Variants in METTL26 observed in about 807,000 individuals in gnomAD.
The protein encoded by METTL26 is methyltransferase like 26.
METTL26 carries 28 observed loss-of-function variants against 24.7 expected under a neutral mutation model. That is an observed-to-expected ratio of 1.13 (90% CI 0.84 to 1.55). The LOEUF is 1.55. METTL26 is among the 40% of genes most tolerant of loss of function. The pLI, the probability that METTL26 is intolerant of heterozygous loss-of-function variation, is 0.00. For missense variants in METTL26, 344 were observed against 281.2 expected, an observed-to-expected ratio of 1.22 and a Z score of -1.60; for synonymous variants, 165 against 125.2, an observed-to-expected ratio of 1.32 and a Z score of -2.12.
At chr16:635,164 A>T in intron 3 of METTL26, 117 bp downstream of exon 3, 1 of 1,464,034 alleles carries the variant, frequency 6.8e-7, no homozygotes, top group Non-Finnish European at 9.1e-7. Context: ...AGTGGAGGGG[A>T]GGCCGTGCTG....
Position 634,763 on chromosome 16 carries a change from G to A in METTL26, c.523C>T (p.Leu175=). ...CCACTGGCCTTTCCCAGGTCCTCCA[G>A]GAGGGCTGTGTCCCGAAGCCCCCAT... is the stretch of plus-strand genomic sequence containing the variant. ...PEWGLRDTAL[L]EDLGKASGLL... Residue 175 remains leucine, a synonymous_variant, in exon 5 of 6, where the codon CTG becomes TTG. Coordinates refer to ENST00000301686, the MANE Select transcript of METTL26 (RefSeq NM_032366.5). The A allele has an allele frequency of 6.2e-7, 1 of 1,612,522 alleles. No homozygotes were observed. Among genetic ancestry groups the A allele is most frequent in the Non-Finnish European group, 8.5e-7 (1 of 1,179,780 alleles).
At position 635,337 on chromosome 16, in the gene METTL26, G is replaced by A. The variant is rs1216988828; in HGVS notation, c.364C>T (p.Leu122Phe). 6.3e-7 allele frequency: 1 copy of A among 1,598,932 alleles called. No homozygotes were observed. Residue 122 changes from leucine (L) to phenylalanine (F), a missense_variant, in exon 3 of 6, where the codon CTC (leucine) becomes TTC (phenylalanine). By Grantham distance (22) the Leu-to-Phe change is conservative. Transcript: ENST00000301686. ...HVSPLRCTEG[L>F]FRAAGHLLKP... ...AGCAGGTGTCCTGCTGCTCTGAAGA[G>A]CCCCTGGTGAGTAGGAACAGGACGG...
In METTL26 at chr16:634,782, C is replaced by G; in HGVS notation, c.504G>C (p.Gly168=). 4 of 1,610,924 alleles carry G rather than the reference C, an allele frequency of 2.5e-6. No homozygotes were observed. Among genetic ancestry groups the G allele is most frequent in the Non-Finnish European group, 3.4e-6 (4 of 1,178,810 alleles). ...CCTCCAGGAGGGCTGTGTCCCGAAGCCCCCATTCTGGGTTCCTGCAGAGGG... is the reference window on the plus strand; with the variant it reads ...CCTCCAGGAGGGCTGTGTCCCGAAGGCCCCATTCTGGGTTCCTGCAGAGGG... The part of the protein sequence containing the change: ...LMLRCRNPEW[G]LRDTALLEDL... The change falls in exon 5 of 6, where the codon GGG becomes GGC. Residue 168 remains glycine, a synonymous_variant. Coordinates refer to ENST00000301686, the MANE Select transcript of METTL26 (RefSeq NM_032366.5).
chr16:635,184 CG>C (rs996952801), intron 3 of METTL26, 96 bp downstream of exon 3: 5 of 1,456,774 alleles, frequency 3.4e-6, no homozygotes, highest in Non-Finnish European at 3.7e-6. Context: ...GGTGGCTGGG[CG>C]GGGGGCAGGG....
At position 634,502 on chromosome 16, in the gene METTL26, G is replaced by C; in HGVS notation, c.*95C>G. 6.2e-7 allele frequency: 1 copy of C among 1,605,212 alleles called. No homozygotes were observed. Among genetic ancestry groups the C allele is most frequent in the Non-Finnish European group, 8.5e-7 (1 of 1,173,202 alleles). ...AGCGGCTGAGAGCACAGACTGGGTG[G>C]GGCTGTCGTCCACAAGGTCCGGCCT... On this transcript the variant is annotated 3_prime_UTR_variant, in exon 6 of 6. Transcript: ENST00000301686.
chr16:634,462 C>T lies in METTL26; in HGVS notation c.*135G>A. 1 of 1,527,644 alleles carries T rather than the reference C, an allele frequency of 6.5e-7. No homozygotes were observed. Among genetic ancestry groups the T allele is most frequent in the South Asian group, 1.1e-5 (1 of 88,910 alleles). The allele number at this position is 1,527,644 out of a possible 1,614,324, so 94.6% of individuals were successfully genotyped here. A position where few individuals can be genotyped will look rare whatever the true frequency, so the allele number is the denominator to read the frequency against. On this transcript the variant is annotated 3_prime_UTR_variant, in exon 6 of 6. Transcript: ENST00000301686. The stretch of plus-strand genomic sequence containing the variant: ...CAGGACATGCTTTATTCTGAGCAGG[C>T]TGGGCCCTTCGGCCAGCGGCTGAGA...
chr16:634,573 G>A lies in METTL26; in HGVS notation c.*24C>T, dbSNP rs779477760. 38 of 1,613,096 alleles carry A rather than the reference G, an allele frequency of 2.4e-5. No individual in the cohort carries two copies. The highest frequency in any genetic ancestry group is 2.5e-6 in the Non-Finnish European group (3 of 1,179,974). On this transcript the variant is annotated 3_prime_UTR_variant, in exon 6 of 6. Transcript: ENST00000301686. The stretch of plus-strand genomic sequence containing the variant: ...TCACAGAGCCTCCGGCAGGGATGCA[G>A]GTGTGCGGGGGTGAAGGAGGGGCTT...
At chr16:635,475 G>T (rs2037097778) in intron 2 of METTL26, 135 bp from the exon 3 acceptor site, 1 of 625,334 alleles carries the variant, frequency 1.6e-6, no homozygotes, top group Non-Finnish European at 2.9e-6. Context: ...GGAGGCTGGA[G>T]ACCCTCACCC....
At position 636,258 on chromosome 16, in the gene METTL26, C is replaced by A. The variant is rs1235440016; in HGVS notation, c.33G>T (p.Lys11Asn). The change falls in exon 1 of 6, where the codon AAG (lysine) becomes AAT (asparagine). Residue 11 changes from lysine to asparagine, a missense_variant. Physicochemically the swap from Lys to Asn is moderately conservative, Grantham distance 94. Transcript: ENST00000301686. Reference sequence around the variant, plus strand: ...GCCGCAGCACGTGCAAGATGGGATCCTTGTTCCGCTCCGCGGCCGCCGCCA... The same window carrying A: ...GCCGCAGCACGTGCAAGATGGGATCATTGTTCCGCTCCGCGGCCGCCGCCA... MLVAAAAERN[K>N]DPILHVLRQY... 3 of 1,466,640 alleles carry A rather than the reference C, an allele frequency of 2.0e-6. No homozygotes were observed. The highest frequency in any genetic ancestry group is 2.7e-6 in the Non-Finnish European group (3 of 1,115,264). The allele number at this position is 1,466,640 out of a possible 1,614,324, so 90.9% of individuals were successfully genotyped here. A position where few individuals can be genotyped will look rare whatever the true frequency, so the allele number is the denominator to read the frequency against.
chr16:635,685 C>G lies in METTL26; in HGVS notation c.287G>C (p.Gly96Ala), dbSNP rs2037122212. The G allele has an allele frequency of 1.9e-6, 3 of 1,557,976 alleles. No homozygotes were observed. Among genetic ancestry groups the G allele is most frequent in the Non-Finnish European group, 2.6e-6 (3 of 1,151,620 alleles). Residue 96 changes from glycine to alanine, a missense_variant, in exon 2 of 6, where the codon GGG becomes GCG. Physicochemically the swap from Gly to Ala is moderately conservative, Grantham distance 60 (BLOSUM62 0). Coordinates refer to ENST00000301686, the MANE Select transcript of METTL26 (RefSeq NM_032366.5). ...DVTWGWEHWG[G>A]ILPQSLDLLL... ...CAGGTCCAGCGACTGTGGCAGGATC[C>G]CGCCCCAGTGCTCCCAGCCCCACGT...
intron 1 of METTL26, 57 bp from the exon 2 acceptor site, chr16:635,831 G>T: frequency 6.7e-7 from 1 of 1,481,732 alleles, no homozygotes; most frequent in Non-Finnish European, 9.0e-7. Flanking sequence ...CCTTTCCGAC[G>T]CCCCCACAGA....
chr16:634,819 A>T (rs2037047413), intron 4 of METTL26, 22 bp from the exon 5 acceptor site: 1 of 1,599,630 alleles, frequency 6.3e-7, no homozygotes, highest in Non-Finnish European at 8.5e-7. Flanking sequence ...GGGGAGATGG[A>T]GTCATGGCCT....
At chr16:635,418 C>A in intron 2 of METTL26, 78 bp from the exon 3 acceptor site, 1 of 1,287,516 alleles carries the variant, frequency 7.8e-7, no homozygotes, top group Non-Finnish European at 1.1e-6. Flanking sequence ...ACCCTCACCC[C>A]GACTGTGATG....
Position 635,320 on chromosome 16 carries a change from T to C in METTL26, c.381A>G (p.Gly127=). The change falls in exon 3 of 6, where the codon GGA becomes GGG. Residue 127 remains glycine (G), a synonymous_variant. Transcript: ENST00000301686. The part of the protein sequence containing the change: ...RCTEGLFRAA[G]HLLKPRALLI... Reference sequence around the variant, plus strand: ...GCAGGGCCCTGGGTTTGAGCAGGTGTCCTGCTGCTCTGAAGAGCCCCTGGT... The same window carrying C: ...GCAGGGCCCTGGGTTTGAGCAGGTGCCCTGCTGCTCTGAAGAGCCCCTGGT... 1 of 1,599,872 alleles carries C rather than the reference T, an allele frequency of 6.3e-7. No individual in the cohort carries two copies. The highest frequency in any genetic ancestry group is 8.5e-7 in the Non-Finnish European group (1 of 1,173,386).
In METTL26 at chr16:635,637, T is replaced by C. The variant is rs1386234515; in HGVS notation, c.335A>G (p.His112Arg). The C allele has an allele frequency of 2.6e-6, 4 of 1,550,358 alleles. No homozygotes were observed. The highest frequency in any genetic ancestry group is 1.2e-5 in the South Asian group (1 of 84,090). The change falls in exon 2 of 6, where the codon CAT (histidine) becomes CGT (arginine). Residue 112 changes from histidine (H) to arginine (R), a missense_variant. By Grantham distance (29) the His-to-Arg change is conservative. Coordinates refer to ENST00000301686, the MANE Select transcript of METTL26 (RefSeq NM_032366.5). ...CTCCGTGCAGCGCAGGGGGCTGACA[T>C]GGGCCATGTTGATGCAGAGCAACAG... ...LDLLLCINMAHVSPLRCTEGL... is the reference protein window; with the variant it reads ...LDLLLCINMARVSPLRCTEGL...
chr16:636,194 C>A lies in METTL26; in HGVS notation c.97G>T (p.Glu33Ter). 1 of 1,489,764 alleles carries A rather than the reference C, an allele frequency of 6.7e-7. No individual in the cohort carries two copies. Among genetic ancestry groups the A allele is most frequent in the Non-Finnish European group, 8.9e-7 (1 of 1,126,198 alleles). 92.3% of individuals were successfully genotyped at this position (1,489,764 alleles called of 1,614,324 possible). A position where few individuals can be genotyped will look rare whatever the true frequency, so the allele number is the denominator to read the frequency against. ...DPAQRGVRVL[E>*]VASGSGQHAA... ...TGCTGGCCGGAGCCCGAGGCCACCT[C>A]GAGGACGCGGACGCCACGCTGGGCC... Residue 33 changes from glutamate (E) to a stop codon, truncating the protein, a stop_gained, in exon 1 of 6, where the codon GAG becomes TAG. Coordinates refer to ENST00000301686, the MANE Select transcript of METTL26 (RefSeq NM_032366.5). LOFTEE classifies it high-confidence loss of function.
Position 634,952 on chromosome 16 carries a change from T to C in METTL26, c.425A>G (p.Tyr142Cys), listed in dbSNP as rs371302475. The change falls in exon 4 of 6, where the codon TAT becomes TGT. Residue 142 changes from tyrosine (Y) to cysteine (C), a missense_variant. By Grantham distance (194) the Tyr-to-Cys change is radical. Coordinates refer to ENST00000301686, the MANE Select transcript of METTL26 (RefSeq NM_032366.5). ...PRALLITYGP[Y>C]AINGKISPQS... ...GGGGGAGATCTTCCCATTGATGGCA[T>C]AGGGCTGTGGGCATGGGGACACAGC... The C allele has an allele frequency of 2.5e-6, 4 of 1,603,028 alleles. No homozygotes were observed. The highest frequency in any genetic ancestry group is 1.7e-6 in the Non-Finnish European group (2 of 1,175,480).
chr16:634,771 G>A lies in METTL26; in HGVS notation c.515C>T (p.Thr172Ile). Residue 172 changes from threonine (T) to isoleucine (I), a missense_variant, in exon 5 of 6, where the codon ACA (threonine) becomes ATA (isoleucine). Physicochemically the swap from Thr to Ile is moderately conservative, Grantham distance 89. Transcript: ENST00000301686. The stretch of plus-strand genomic sequence containing the variant: ...CTTTCCCAGGTCCTCCAGGAGGGCT[G>A]TGTCCCGAAGCCCCCATTCTGGGTT... Reference protein sequence around the residue: ...CRNPEWGLRDTALLEDLGKAS... With the variant: ...CRNPEWGLRDIALLEDLGKAS... The A allele has an allele frequency of 6.2e-7, 1 of 1,612,024 alleles. No individual in the cohort carries two copies. The highest frequency in any genetic ancestry group is 8.5e-7 in the Non-Finnish European group (1 of 1,179,446).
At chr16:635,818 C>A in intron 1 of METTL26, 44 bp from the exon 2 acceptor site, 1 of 1,498,852 alleles carries the variant, frequency 6.7e-7, no homozygotes, top group South Asian at 1.3e-5. Flanking sequence ...TCCTGTGCAC[C>A]CGCCTTTCCG....
Sources: allele counts gnomAD v4.1 joint callset, GRCh38; gene constraint gnomAD v4.1.1; transcripts MANE v1.5; gene names NCBI Gene and HGNC (gene_info 2026-07-23, HGNC 2026-07-21).